HS3ST4: variants seen among roughly 807,000 people sequenced by gnomAD.
HS3ST4 encodes the protein heparan sulfate glucosamine 3-O-sulfotransferase 4.
Under a neutral mutation model 29.2 loss-of-function variants are expected in HS3ST4, and 17 were observed. The ratio of observed to expected loss-of-function variants is 0.58; its 90% CI spans 0.40 to 0.87. The LOEUF is 0.87. Among genes scored for constraint, HS3ST4 ranks in the 40% least tolerant of loss-of-function variants. The pLI, the probability that HS3ST4 is intolerant of heterozygous loss-of-function variation, is 0.00. For missense variants in HS3ST4, 627 were observed against 634.5 expected (o/e 0.99, Z 0.13); for synonymous variants, 314 against 285.7 (o/e 1.10, Z -1.00).
intron 1 of HS3ST4, among the ~76,000 whole-genome samples, chr16:25,999,888 A>G (rs1969196295): frequency 7.9e-6 from 1 of 126,138 alleles, no homozygotes; most frequent in African/African-American, 3.3e-5. Flanking sequence ...TATATTATAT[A>G]TATATATTTT....
At chr16:25,853,849 C>T (rs184718425) in intron 1 of HS3ST4, among the ~76,000 whole-genome samples, 10 of 152,142 alleles carry the variant, frequency 6.6e-5, no homozygotes, top group African/African-American at 2.4e-4. Context: ...GCTTTTGTAT[C>T]AGGGTGGTGC....
intron 1 of HS3ST4, among the ~76,000 whole-genome samples, chr16:25,905,676 A>G (rs1968171967): frequency 6.6e-6 from 1 of 152,164 alleles, no homozygotes; most frequent in Non-Finnish European, 1.5e-5. Flanking sequence ...TTAATCAGGA[A>G]CTAGAATGTC....
chr16:25,752,578 C>T (rs1966729368), intron 1 of HS3ST4, among the ~76,000 whole-genome samples: 1 of 152,214 alleles, frequency 6.6e-6, no homozygotes, highest in Admixed American at 6.5e-5. Context: ...TAAAAATCCT[C>T]AATCATTCTT....
intron 1 of HS3ST4, among the ~76,000 whole-genome samples, chr16:25,989,761 T>C (rs1969098500): frequency 6.6e-6 from 1 of 152,192 alleles, no homozygotes; most frequent in South Asian, 2.1e-4. Flanking sequence ...AGATGGTCAA[T>C]TAAAAAACAA....
intron 1 of HS3ST4, among the ~76,000 whole-genome samples, chr16:25,741,157 T>C (rs1470813641): frequency 2.0e-5 from 3 of 152,092 alleles, no homozygotes; most frequent in Admixed American, 1.3e-4. Context: ...TCTTGAAACA[T>C]GTATTGTACG....
At chr16:25,874,293 C>T (rs1967804412) in intron 1 of HS3ST4, among the ~76,000 whole-genome samples, 1 of 152,070 alleles carries the variant, frequency 6.6e-6, no homozygotes, top group African/African-American at 2.4e-5. Context: ...TCCACAGCAA[C>T]AGTGTGAGTA....
At chr16:26,016,320 T>G (rs902015782) in intron 1 of HS3ST4, among the ~76,000 whole-genome samples, 2 of 152,216 alleles carry the variant, frequency 1.3e-5, no homozygotes, top group African/African-American at 4.8e-5. Flanking sequence ...GAGTAACTCA[T>G]AGGTATAAAA....
chr16:25,820,037 A>C (rs1391562675), intron 1 of HS3ST4, among the ~76,000 whole-genome samples: 220 of 147,002 alleles, frequency 1.5e-3, no homozygotes, highest in Admixed American at 3.3e-3. Context: ...AAAAAAAAAA[A>C]AAAAAAAAAA....
At chr16:25,958,039 C>G (rs1329875475) in intron 1 of HS3ST4, among the ~76,000 whole-genome samples, 1 of 152,184 alleles carries the variant, frequency 6.6e-6, no homozygotes, top group East Asian at 1.9e-4. Context: ...CTCAAGGTCA[C>G]TGCATACTTC....
intron 1 of HS3ST4, among the ~76,000 whole-genome samples, chr16:25,860,910 T>G (rs1390085663): frequency 2.0e-5 from 3 of 152,102 alleles, no homozygotes; most frequent in African/African-American, 7.2e-5. Context: ...TCCATTATAA[T>G]AAATGCACCA....
At chr16:25,991,889 T>C (rs971476459) in intron 1 of HS3ST4, among the ~76,000 whole-genome samples, 1 of 151,556 alleles carries the variant, frequency 6.6e-6, no homozygotes, top group Non-Finnish European at 1.5e-5. Context: ...GGCGTGGTGG[T>C]GGGTGCCTGT....
intron 1 of HS3ST4, among the ~76,000 whole-genome samples, chr16:25,806,041 C>A (rs985727978): frequency 6.6e-6 from 1 of 152,116 alleles, no homozygotes. Flanking sequence ...TTATTTCATT[C>A]CTTTTTATGG....
chr16:25,711,779 G>A (rs748492480), intron 1 of HS3ST4, among the ~76,000 whole-genome samples: 20 of 151,984 alleles, frequency 1.3e-4, no homozygotes, highest in Admixed American at 9.2e-4. Flanking sequence ...CTTTCTCCTC[G>A]CTGTCTGAGT....
Position 25,718,718 on chromosome 16 carries a change from A to G in HS3ST4, c.734+25567A>G, listed in dbSNP as rs117557840. On this transcript the variant is annotated intron_variant, in intron 1 of 1. Coordinates refer to ENST00000331351, the MANE Select transcript of HS3ST4 (RefSeq NM_006040.3). ...AGTTTCAGGTGATTTTGAGACATCT[A>G]TGTATAGATATCAGATAGGCAGTGG... Among the ~76,000 whole-genome samples the G allele has an allele frequency of 2.8e-3, 431 of 152,310 alleles. 1 individual carries two copies. The highest frequency in any genetic ancestry group is 4.5e-3 in the Non-Finnish European group (303 of 68,012).
intron 1 of HS3ST4, among the ~76,000 whole-genome samples, chr16:26,120,187 C>A (rs1402604986): frequency 6.6e-6 from 1 of 151,878 alleles, no homozygotes; most frequent in Non-Finnish European, 1.5e-5. Flanking sequence ...TATGTGAATA[C>A]CTCACAAGGT....
intron 1 of HS3ST4, among the ~76,000 whole-genome samples, chr16:25,819,361 C>T (rs528458765): frequency 1.8e-3 from 279 of 152,292 alleles, no homozygotes; most frequent in Non-Finnish European, 2.6e-3. Flanking sequence ...ATGATCCCAC[C>T]ACAGCCCTGT....
intron 1 of HS3ST4, among the ~76,000 whole-genome samples, chr16:25,944,233 A>G (rs1968603197): frequency 6.6e-6 from 1 of 152,216 alleles, no homozygotes; most frequent in South Asian, 2.1e-4. Context: ...GCAGAATAGG[A>G]TTTATTAAGT....
intron 1 of HS3ST4, among the ~76,000 whole-genome samples, chr16:25,857,902 TCCTTCCTTCCTTCCTTCC>T (rs1967592207): frequency 2.7e-5 from 2 of 75,348 alleles, no homozygotes; most frequent in African/African-American, 5.3e-5. Flanking sequence ...TTTTCTTTCT[TCCTTCCTTCCTTCCTTCC>T]TTTCTTTCTT....
intron 1 of HS3ST4, among the ~76,000 whole-genome samples, chr16:25,942,473 C>T (rs1028061651): frequency 5.3e-5 from 8 of 152,248 alleles, no homozygotes; most frequent in Middle Eastern, 6.8e-3. Context: ...AATCCTTTCT[C>T]AAAGAGTACT....
Sources: allele counts gnomAD v4.1 joint callset (sites outside exome capture counted in the v4.1 genomes callset), GRCh38; gene constraint gnomAD v4.1.1; transcripts MANE v1.5; gene names NCBI Gene and HGNC (gene_info 2026-07-23, HGNC 2026-07-21).